CTNNA3: variants seen among roughly 807,000 people sequenced by gnomAD.
The protein encoded by CTNNA3 is catenin alpha 3, also known as catenin alpha-3.
Under a neutral mutation model 95.7 loss-of-function variants are expected in CTNNA3, and 76 were observed. The observed-to-expected ratio is 0.79, with a 90% confidence interval of 0.66 to 0.96. CTNNA3 has a LOEUF of 0.96. Ranked by LOEUF, CTNNA3 falls within the 40% of genes least tolerant of loss-of-function variation. CTNNA3 has a pLI of 0.00. For synonymous variants in CTNNA3, 431 were observed against 374.4 expected, an observed-to-expected ratio of 1.15 and a Z score of -1.74; for missense variants, 1,191 against 1,089.8, an observed-to-expected ratio of 1.09 and a Z score of -1.31.
At chr10:65,936,233 T>TTAAG (rs2077335389) in intron 17 of CTNNA3, among the ~76,000 whole-genome samples, 1 of 152,124 alleles carries the variant, frequency 6.6e-6, no homozygotes, top group Non-Finnish European at 1.5e-5. Flanking sequence ...CTTTATTTTC[T>TTAAG]TAAGTTAACT....
intron 12 of CTNNA3, among the ~76,000 whole-genome samples, chr10:66,304,718 C>G (rs749002810): frequency 1.3e-5 from 2 of 152,052 alleles, no homozygotes; most frequent in Non-Finnish European, 2.9e-5. Context: ...ATAAACCATA[C>G]ACACACACCT....
intron 7 of CTNNA3, among the ~76,000 whole-genome samples, chr10:66,840,982 A>T (rs1843048926): frequency 6.6e-6 from 1 of 152,194 alleles, no homozygotes; most frequent in South Asian, 2.1e-4. Flanking sequence ...TTCTACAATC[A>T]TGTATGTTAC....
chr10:67,126,596 T>A (rs1239284346), intron 7 of CTNNA3, among the ~76,000 whole-genome samples: 1 of 152,188 alleles, frequency 6.6e-6, no homozygotes, highest in African/African-American at 2.4e-5. Flanking sequence ...TAATTGTTAC[T>A]CAGATTCCAT....
intron 15 of CTNNA3, among the ~76,000 whole-genome samples, chr10:65,999,474 C>T (rs916731717): frequency 1.3e-5 from 2 of 152,138 alleles, no homozygotes; most frequent in Non-Finnish European, 2.9e-5. Flanking sequence ...TGTTAGGAGA[C>T]CACTATCTTA....
chr10:67,639,590 C>T (rs953153013), intron 2 of CTNNA3, among the ~76,000 whole-genome samples: 10 of 151,410 alleles, frequency 6.6e-5, no homozygotes, highest in Middle Eastern at 3.5e-3. Context: ...TCATGAACAT[C>T]GATGCAAAAA....
chr10:66,322,484 G>A (rs1343120436), intron 12 of CTNNA3, among the ~76,000 whole-genome samples: 2 of 152,064 alleles, frequency 1.3e-5, no homozygotes, highest in Non-Finnish European at 2.9e-5. Flanking sequence ...AGGAGGTGAG[G>A]CAGCTGGAAT....
intron 7 of CTNNA3, among the ~76,000 whole-genome samples, chr10:66,954,918 G>A (rs993877283): frequency 2.0e-5 from 3 of 152,090 alleles, no homozygotes; most frequent in Non-Finnish European, 1.5e-5. Context: ...GTAATTTTGT[G>A]CAGTTTTCTC....
At chr10:66,450,757 TG>T (rs2093458216) in intron 11 of CTNNA3, among the ~76,000 whole-genome samples, 1 of 152,144 alleles carries the variant, frequency 6.6e-6, no homozygotes, top group South Asian at 2.1e-4. Flanking sequence ...AAGCTAGAGA[TG>T]TTACTTTGCT....
At chr10:66,040,917 C>T (rs1903867) in intron 15 of CTNNA3, among the ~76,000 whole-genome samples, 19,707 of 151,924 alleles carry the variant, frequency 0.13, 1,264 homozygotes, top group Non-Finnish European at 0.15. Flanking sequence ...AATTAGTATG[C>T]GAAAGTTTGA....
intron 5 of CTNNA3, among the ~76,000 whole-genome samples, chr10:67,268,405 C>T (rs1438025808): frequency 6.6e-6 from 1 of 151,574 alleles, no homozygotes; most frequent in African/African-American, 2.4e-5. Flanking sequence ...GCCTGTAGTG[C>T]CAGCTACTTG....
intron 12 of CTNNA3, among the ~76,000 whole-genome samples, chr10:66,299,580 C>A (rs1223844270): frequency 6.6e-6 from 1 of 152,118 alleles, no homozygotes; most frequent in Non-Finnish European, 1.5e-5. Context: ...ATTTAGCCTT[C>A]ACTGCATAAA....
chr10:66,305,231 T>C (rs74233454), intron 12 of CTNNA3, among the ~76,000 whole-genome samples: 1 of 152,194 alleles, frequency 6.6e-6, no homozygotes, highest in East Asian at 1.9e-4. Flanking sequence ...AGTTATTAGT[T>C]GTATTACTTT....
At chr10:67,176,401 C>A (rs1449252570) in intron 7 of CTNNA3, among the ~76,000 whole-genome samples, 2 of 152,144 alleles carry the variant, frequency 1.3e-5, no homozygotes, top group African/African-American at 4.8e-5. Flanking sequence ...TTTCTAAATT[C>A]TATGCATTGT....
At chr10:66,131,811 C>T (rs1187769940) in intron 13 of CTNNA3, among the ~76,000 whole-genome samples, 1 of 152,122 alleles carries the variant, frequency 6.6e-6, no homozygotes, top group Admixed American at 6.5e-5. Flanking sequence ...AAAGGACTCC[C>T]TATTCAATAA....
At chr10:66,914,126 C>T (rs1490064216) in intron 7 of CTNNA3, among the ~76,000 whole-genome samples, 1 of 105,396 alleles carries the variant, frequency 9.5e-6, no homozygotes, top group Non-Finnish European at 1.9e-5. Context: ...TGGCAGGGTG[C>T]CTTCTTTTTT....
chr10:67,716,196 A>T (rs1841141832), intron 1 of CTNNA3, among the ~76,000 whole-genome samples: 1 of 152,222 alleles, frequency 6.6e-6, no homozygotes, highest in Non-Finnish European at 1.5e-5. Flanking sequence ...AAGTTATGCA[A>T]CAGCAAATAA....
At position 66,358,010 on chromosome 10, in the gene CTNNA3, T is replaced by C. The variant is rs115237366; in HGVS notation, c.1732+21142A>G. Among the ~76,000 whole-genome samples, 920 of 152,308 alleles carry C rather than the reference T, an allele frequency of 6.0e-3. 8 individuals carry two copies. Among genetic ancestry groups the C allele is most frequent in the African/African-American group, 0.02 (829 of 41,564 alleles). ...TCCTTCAAGCACTTGGTTCATTTCA[T>C]CTAGTTCATTAAATGTATGTGCATA... is the stretch of plus-strand genomic sequence containing the variant. On this transcript the variant is annotated intron_variant, in intron 12 of 17. Transcript: ENST00000433211.
At chr10:66,066,437 G>A (rs2080314875) in intron 15 of CTNNA3, among the ~76,000 whole-genome samples, 1 of 151,340 alleles carries the variant, frequency 6.6e-6, no homozygotes, top group African/African-American at 2.5e-5. Context: ...GAGAGAAACA[G>A]AGACAGAGAG....
chr10:66,532,353 T>C (rs1841497570), intron 10 of CTNNA3, among the ~76,000 whole-genome samples: 1 of 151,330 alleles, frequency 6.6e-6, no homozygotes, highest in Non-Finnish European at 1.5e-5. Context: ...TCCCAGCTAC[T>C]GGGGAGGCTG....
Sources: gnomAD v4.1 joint callset for allele counts (sites outside exome capture counted in the v4.1 genomes callset) on GRCh38, gnomAD v4.1.1 for gene constraint, MANE v1.5 for transcripts, NCBI Gene and HGNC (gene_info 2026-07-23, HGNC 2026-07-21) for gene names.